The following SLC35D2 variants were observed in gnomAD, a reference collection of about 807,000 sequenced individuals.
The protein encoded by SLC35D2 is solute carrier family 35 member D2.
In SLC35D2, 43 loss-of-function variants were observed where a neutral mutation model predicts 41.8. That is an observed-to-expected ratio of 1.03 (90% CI 0.81 to 1.33). SLC35D2 has a LOEUF of 1.33. Among genes scored for constraint, SLC35D2 ranks in the 40% most tolerant of loss-of-function variants. SLC35D2 has a pLI of 0.00. For missense variants in SLC35D2, 380 were observed against 408.4 expected (o/e 0.93, Z 0.60); for synonymous variants, 150 against 163.9 (o/e 0.92, Z 0.65).
exon 12 of SLC35D2, chr9:96,314,439 G>C (rs1364524605): frequency 1.3e-5 from 2 of 152,140 alleles, no homozygotes; most frequent in Non-Finnish European, 2.9e-5. Flanking sequence ...GTCCATTGCA[G>C]GGACATGGAT....
intron 1 of SLC35D2, among the ~76,000 whole-genome samples, chr9:96,374,874 T>C (rs533847531): frequency 1.3e-5 from 2 of 152,014 alleles, no homozygotes; most frequent in African/African-American, 4.8e-5. Context: ...TTTATGTTTC[T>C]ATGTCTCCAC....
intron 9 of SLC35D2, among the ~76,000 whole-genome samples, chr9:96,330,027 G>A (rs769936789): frequency 6.6e-6 from 1 of 152,238 alleles, no homozygotes; most frequent in Non-Finnish European, 1.5e-5. Context: ...GCCTGAGAAC[G>A]AGCGAAGCCT....
downstream of SLC35D2, among the ~76,000 whole-genome samples, chr9:96,318,847 A>G (rs1332593755): frequency 2.0e-5 from 3 of 152,224 alleles, no homozygotes; most frequent in Non-Finnish European, 4.4e-5. Flanking sequence ...TATGATGGCT[A>G]CTAGTAAAAA....
At chr9:96,345,616 A>G (rs747242757) in intron 6 of SLC35D2, among the ~76,000 whole-genome samples, 5 of 152,152 alleles carry the variant, frequency 3.3e-5, no homozygotes, top group Non-Finnish European at 7.4e-5. Context: ...ATGGCTTAAA[A>G]CCAGAGCGAC....
At chr9:96,360,449 C>T (rs1431555132) in intron 3 of SLC35D2, among the ~76,000 whole-genome samples, 2 of 151,496 alleles carry the variant, frequency 1.3e-5, no homozygotes, top group Non-Finnish European at 1.5e-5. Context: ...ACCAACACAG[C>T]GAAACCCCAT....
chr9:96,341,844 T>C (rs1564099146), intron 8 of SLC35D2, among the ~76,000 whole-genome samples: 1 of 152,166 alleles, frequency 6.6e-6, no homozygotes, highest in Admixed American at 6.5e-5. Flanking sequence ...CTGGTCACTA[T>C]GCCTTTCATA....
At chr9:96,315,890 A>G (rs1339804783), downstream of SLC35D2, among the ~76,000 whole-genome samples, 2 of 152,228 alleles carry the variant, frequency 1.3e-5, no homozygotes, top group African/African-American at 2.4e-5. Flanking sequence ...AATGTGATGT[A>G]CTGAAAATAT....
intron 1 of SLC35D2, among the ~76,000 whole-genome samples, chr9:96,371,292 C>T (rs1349903864): frequency 6.6e-6 from 1 of 151,628 alleles, no homozygotes; most frequent in Non-Finnish European, 1.5e-5. Flanking sequence ...TGGTGAAACC[C>T]CATCTCTACT....
intron 1 of SLC35D2, among the ~76,000 whole-genome samples, chr9:96,378,968 C>T (rs896641722): frequency 6.6e-6 from 1 of 151,760 alleles, no homozygotes; most frequent in Non-Finnish European, 1.5e-5. Flanking sequence ...TCCAGAACAA[C>T]TGTACAACAC....
intron 9 of SLC35D2, among the ~76,000 whole-genome samples, chr9:96,328,683 C>G (rs993065621): frequency 1.3e-5 from 2 of 152,176 alleles, no homozygotes; most frequent in African/African-American, 2.4e-5. Context: ...TAGTTTATAC[C>G]TTGTCACTGA....
chr9:96,335,385 G>A (rs549850729), intron 9 of SLC35D2, among the ~76,000 whole-genome samples: 18 of 152,208 alleles, frequency 1.2e-4, no homozygotes, highest in Middle Eastern at 6.8e-3. Flanking sequence ...GTTTGAGATG[G>A]AGTCTCCTCT....
rs1316209370 is a variant in SLC35D2 at position 96,351,141 on chromosome 9, A to C, written c.450T>G (p.Ser150Arg). 1 of 1,612,776 alleles carries C rather than the reference A, an allele frequency of 6.2e-7. No individual in the cohort carries two copies. The highest frequency in any genetic ancestry group is 1.7e-5 in the Admixed American group (1 of 60,020). ...GKQYSLNIILSVFAIILGAFI... is the reference protein window; with the variant it reads ...GKQYSLNIILRVFAIILGAFI... Reference sequence around the variant, plus strand: ...AAGCCCCGAGAATAATGGCAAAGACACTGAGGATGATGTTGAGTGAATACT... The same window carrying C: ...AAGCCCCGAGAATAATGGCAAAGACCCTGAGGATGATGTTGAGTGAATACT... The change falls in exon 6 of 12, where the codon AGT becomes AGG. Residue 150 changes from serine to arginine, a missense_variant. Ser to Arg is a moderately radical substitution (Grantham distance 110, BLOSUM62 -1). Transcript: ENST00000253270.
At chr9:96,374,703 T>G (rs901673831) in intron 1 of SLC35D2, among the ~76,000 whole-genome samples, 1 of 150,518 alleles carries the variant, frequency 6.6e-6, no homozygotes, top group Admixed American at 6.6e-5. Context: ...CCGAGCGTGG[T>G]GGCAGGCGCC....
intron 1 of SLC35D2, among the ~76,000 whole-genome samples, chr9:96,370,869 T>C (rs574400566): frequency 6.6e-6 from 1 of 151,682 alleles, no homozygotes; most frequent in Non-Finnish European, 1.5e-5. Context: ...TCAAAGGAGA[T>C]TAAAAGAAAG....
rs780561335 is a variant in SLC35D2 at position 96,321,995 on chromosome 9, CACCAAATATTTA to C, written c.905_914+2del. On this transcript the variant is annotated splice_donor_variant and coding_sequence_variant, in exon 11 of 12. Coordinates refer to ENST00000253270, the MANE Select transcript of SLC35D2 (RefSeq NM_007001.3). LOFTEE classifies it high-confidence loss of function. The stretch of plus-strand genomic sequence containing the variant: ...AGCGAGTCCATTAAAAATTCCCACT[CACCAAATATTTA>C]ACCCTACAAAGTTTAACAAAGAGAA... 6.4e-7 allele frequency: 1 copy of C among 1,553,478 alleles called. No homozygotes were observed.
chr9:96,381,276 A>G (rs1427375181), intron 1 of SLC35D2, among the ~76,000 whole-genome samples: 1 of 152,250 alleles, frequency 6.6e-6, no homozygotes, highest in Non-Finnish European at 1.5e-5. Context: ...ACAGTGATTT[A>G]GATCATGTAA....
At chr9:96,367,599 A>G (rs1004528541) in intron 2 of SLC35D2, among the ~76,000 whole-genome samples, 2 of 152,100 alleles carry the variant, frequency 1.3e-5, no homozygotes, top group Non-Finnish European at 2.9e-5. Flanking sequence ...CCTAGCTAAC[A>G]TGGCGAAACC....
At chr9:96,367,713 C>T (rs565433727) in intron 2 of SLC35D2, among the ~76,000 whole-genome samples, 3 of 151,366 alleles carry the variant, frequency 2.0e-5, no homozygotes, top group Non-Finnish European at 4.4e-5. Context: ...ACCTGGGAGG[C>T]ACAGGTGGCA....
chr9:96,337,165 T>C (rs1195717879), intron 8 of SLC35D2, among the ~76,000 whole-genome samples: 5 of 152,200 alleles, frequency 3.3e-5, no homozygotes, highest in Admixed American at 3.3e-4. Flanking sequence ...AAATTCAAGG[T>C]TGGGTTTATT....
Sources: allele counts gnomAD v4.1 joint callset (sites outside exome capture counted in the v4.1 genomes callset), GRCh38; gene constraint gnomAD v4.1.1; transcripts MANE v1.5; gene names NCBI Gene and HGNC (gene_info 2026-07-23, HGNC 2026-07-21).